Variants in GNE observed in about 807,000 individuals in gnomAD.
GNE encodes the protein bifunctional UDP-N-acetylglucosamine 2-epimerase/N-acetylmannosamine kinase.
GNE carries 41 observed loss-of-function variants against 61.8 expected under a neutral mutation model. That is an observed-to-expected ratio of 0.66 (90% CI 0.52 to 0.86). The LOEUF (loss-of-function observed/expected upper bound fraction) is 0.86, where lower values mean the gene tolerates loss of function less well. Among genes scored for constraint, GNE ranks in the 40% least tolerant of loss-of-function variants. The pLI, the probability that GNE is intolerant of heterozygous loss-of-function variation, is 0.00. For missense variants in GNE, 608 were observed against 909.1 expected (o/e 0.67, Z 4.26); for synonymous variants, 264 against 326.4 (o/e 0.81, Z 2.06).
At chr9:36,238,085 T>C (rs925151735) in intron 3 of GNE, among the ~76,000 whole-genome samples, 1 of 149,422 alleles carries the variant, frequency 6.7e-6, no homozygotes, top group South Asian at 2.1e-4. Context: ...CACACACACA[T>C]AGATATATAG....
At position 36,217,551 on chromosome 9, in the gene GNE, A is replaced by G; in HGVS notation, c.1983T>C (p.Asn661=). 1 of 1,614,156 alleles carries G rather than the reference A, an allele frequency of 6.2e-7. No individual in the cohort carries two copies. The highest frequency in any genetic ancestry group is 8.5e-7 in the Non-Finnish European group (1 of 1,179,972). ...LGVVNILHTM[N]PSLVILSGVL... ...CTCCGGAGAGGATCACAAGGGAGGG[A>G]TTCATGGTATGGAGGATGTTCACAA... Residue 661 remains asparagine (N), a synonymous_variant, in exon 12 of 12, where the codon AAT becomes AAC. Transcript: ENST00000642385.
intron 1 of GNE, among the ~76,000 whole-genome samples, chr9:36,270,181 T>G (rs1830970732): frequency 6.6e-6 from 1 of 152,152 alleles, no homozygotes; most frequent in South Asian, 2.1e-4. Flanking sequence ...CAGGCTGGTA[T>G]CGAACTCCTG....
intron 7 of GNE, among the ~76,000 whole-genome samples, chr9:36,225,052 T>C (rs1828799695): frequency 1.3e-5 from 2 of 152,242 alleles, no homozygotes; most frequent in Non-Finnish European, 2.9e-5. Context: ...ACAAATACCA[T>C]TGAAATATTT....
rs777984918 is a variant in GNE, at chr9:36,246,046, T to C, written c.601A>G (p.Ile201Val). The C allele has an allele frequency of 6.2e-7, 1 of 1,614,000 alleles. No individual in the cohort carries two copies. Among genetic ancestry groups the C allele is most frequent in the Admixed American group, 1.7e-5 (1 of 60,032 alleles). Residue 201 changes from isoleucine to valine, a missense_variant, in exon 3 of 12, where the codon ATT becomes GTT. Coordinates refer to ENST00000642385, the MANE Select transcript of GNE (RefSeq NM_005476.7). ...AGATACGTACCTAGCCACATGCGAATGATGCTCATGTAGTCTTTGTTCTTG... is the reference window on the plus strand; with the variant it reads ...AGATACGTACCTAGCCACATGCGAACGATGCTCATGTAGTCTTTGTTCTTG... Reference protein sequence around the residue: ...SAKNKDYMSIIRMWLGDDVKS... With the variant: ...SAKNKDYMSIVRMWLGDDVKS...
chr9:36,225,170 A>G (rs868268242), intron 7 of GNE, among the ~76,000 whole-genome samples: 1 of 152,318 alleles, frequency 6.6e-6, no homozygotes, highest in Middle Eastern at 3.4e-3. Flanking sequence ...GTCTTACAGT[A>G]AAGTTTTAGA....
chr9:36,271,625 C>T (rs1213389799), intron 1 of GNE, among the ~76,000 whole-genome samples: 4 of 152,148 alleles, frequency 2.6e-5, no homozygotes, highest in Non-Finnish European at 2.9e-5. Flanking sequence ...CTGCCTGCCT[C>T]GGCCTCCCAA....
At chr9:36,271,513 A>T (rs1333334050) in intron 1 of GNE, among the ~76,000 whole-genome samples, 1 of 152,156 alleles carries the variant, frequency 6.6e-6, no homozygotes. Flanking sequence ...AGCTGGGACT[A>T]CAGGCGCCTG....
intron 1 of GNE, among the ~76,000 whole-genome samples, chr9:36,272,000 C>A (rs1831046770): frequency 1.3e-5 from 2 of 152,132 alleles, no homozygotes; most frequent in Admixed American, 1.3e-4. Context: ...TCTGGCTAGG[C>A]CAAATTGCTT....
intron 2 of GNE, among the ~76,000 whole-genome samples, chr9:36,248,166 G>C (rs907914764): frequency 6.6e-6 from 1 of 151,924 alleles, no homozygotes; most frequent in Non-Finnish European, 1.5e-5. Flanking sequence ...TTATTTTAAC[G>C]CAAGGTTCTT....
Position 36,244,982 on chromosome 9 carries a change from A to T in GNE, c.616+1049T>A, listed in dbSNP as rs907368481. ...GACCATTTTGCCAATGTAGTAAAAA[A>T]TTTCAGAAAATCAGGCCAGGCACGG... On this transcript the variant is annotated intron_variant, in intron 3 of 11. Transcript: ENST00000642385. Among the ~76,000 whole-genome samples the T allele has an allele frequency of 4.1e-4, 60 of 146,374 alleles. 1 individual carries two copies. The highest frequency in any genetic ancestry group is 6.5e-4 in the South Asian group (3 of 4,602).
intron 5 of GNE, among the ~76,000 whole-genome samples, chr9:36,231,138 G>A (rs1829139492): frequency 6.7e-6 from 1 of 149,300 alleles, no homozygotes; most frequent in Admixed American, 6.7e-5. Context: ...AAAGAAGGAA[G>A]GAAGGAAGGA....
In GNE at chr9:36,236,978, T is replaced by G. The variant is rs1239186160; in HGVS notation, c.623A>C (p.Asp208Ala). Residue 208 changes from aspartate to alanine, a missense_variant, in exon 4 of 12, where the codon GAT (aspartate) becomes GCT (alanine). Asp to Ala is a moderately radical substitution (Grantham distance 126, BLOSUM62 -2). Transcript: ENST00000642385. ...MSIIRMWLGDDVKSKDYIVAL... is the reference protein window; with the variant it reads ...MSIIRMWLGDAVKSKDYIVAL... ...AACAATGTAATCTTTAGATTTTACATCATCACCTGTTTAAAGAAAATCAAA... is the reference window on the plus strand; with the variant it reads ...AACAATGTAATCTTTAGATTTTACAGCATCACCTGTTTAAAGAAAATCAAA... The G allele has an allele frequency of 6.2e-7, 1 of 1,609,716 alleles. No homozygotes were observed. The highest frequency in any genetic ancestry group is 1.7e-5 in the Admixed American group (1 of 60,018).
At chr9:36,233,221 CT>C (rs1829248340) in intron 5 of GNE, among the ~76,000 whole-genome samples, 2 of 152,202 alleles carry the variant, frequency 1.3e-5, no homozygotes. Context: ...CCTACTTATA[CT>C]TAAGGGGCAC....
At chr9:36,259,060 G>A (rs1830523287), upstream of GNE, among the ~76,000 whole-genome samples, 1 of 152,212 alleles carries the variant, frequency 6.6e-6, no homozygotes, top group Admixed American at 6.5e-5. Context: ...GGCTTGCGCA[G>A]CTCCTGAAGA....
rs34441447 is a variant in GNE, at chr9:36,242,732, GTTT to G, written c.616+3296_616+3298del. Among the ~76,000 whole-genome samples, 80 of 95,994 alleles carry G rather than the reference GTTT, an allele frequency of 8.3e-4. No homozygotes were observed. In the South Asian group the frequency reaches 0.016, roughly 19 times the overall value. 63.0% of individuals were successfully genotyped at this position (95,994 alleles called of 152,430 possible). ...CGCATCTGGCCTGGGTTTTATGCTT[GTTT>G]TTTTTTTTTTTTTTTTTTTTGAGAT... On this transcript the variant is annotated intron_variant, in intron 3 of 11. Coordinates refer to ENST00000642385, the MANE Select transcript of GNE (RefSeq NM_005476.7).
intron 1 of GNE, among the ~76,000 whole-genome samples, chr9:36,266,269 A>G (rs1830785127): frequency 6.6e-6 from 1 of 152,196 alleles, no homozygotes. Flanking sequence ...ACTGGCCAGT[A>G]CCAGTCCATG....
intron 10 of GNE, 128 bp downstream of exon 10, chr9:36,219,710 C>A (rs373216166): frequency 1.2e-6 from 1 of 841,196 alleles, no homozygotes; most frequent in African/African-American, 1.7e-5. Flanking sequence ...CGAGGGAGCC[C>A]TGCTCTTTCC....
chr9:36,261,889 C>T (rs1260253130), upstream of GNE, among the ~76,000 whole-genome samples: 1 of 148,054 alleles, frequency 6.8e-6, no homozygotes, highest in Non-Finnish European at 1.5e-5. Flanking sequence ...CGCCACTGCA[C>T]TCCAGCCTGG....
chr9:36,226,650 C>T (rs577562550), intron 7 of GNE, among the ~76,000 whole-genome samples: 6 of 152,304 alleles, frequency 3.9e-5, no homozygotes, highest in Non-Finnish European at 4.4e-5. Flanking sequence ...AAGCTTTATA[C>T]ACTCACACTA....
Sources: gnomAD v4.1 joint callset for allele counts (sites outside exome capture counted in the v4.1 genomes callset) on GRCh38, gnomAD v4.1.1 for gene constraint, MANE v1.5 for transcripts, NCBI Gene and HGNC (gene_info 2026-07-23, HGNC 2026-07-21) for gene names.